NOTCH4: variants seen among roughly 807,000 people sequenced by gnomAD.
The protein encoded by NOTCH4 is neurogenic locus notch homolog protein 4.
Under a neutral mutation model 189.0 loss-of-function variants are expected in NOTCH4, and 138 were observed. The observed-to-expected ratio is 0.73, with a 90% CI of 0.64 to 0.84. The LOEUF (loss-of-function observed/expected upper bound fraction) is 0.84, where lower values mean the gene tolerates loss of function less well. Ranked by LOEUF, NOTCH4 falls within the 40% of genes least tolerant of loss-of-function variation. The pLI, the probability that NOTCH4 is intolerant of heterozygous loss-of-function variation, is 0.00. For missense variants in NOTCH4, 2,286 were observed against 2,605.4 expected (o/e 0.88, Z 2.67); for synonymous variants, 942 against 1,032.8 (o/e 0.91, Z 1.69).
In NOTCH4 at chr6:32,200,738, GCTGT is replaced by G. The variant is rs1788284059; in HGVS notation, c.4315+89_4315+92del. ...CCCACAAAGAACATTTTCAGTCTCAGCTGTCCTGTTTGATTCAGCCTCCATTGCC... is the reference window on the plus strand; with the variant it reads ...CCCACAAAGAACATTTTCAGTCTCAGCCTGTTTGATTCAGCCTCCATTGCC... On this transcript the variant is annotated intron_variant, in intron 23 of 29. Transcript: ENST00000375023. This position sits in a 1 kb window ranked among gnomAD's most constrained non-coding sequence, Gnocchi z 5.0. 1 of 1,076,816 alleles carries G rather than the reference GCTGT, an allele frequency of 9.3e-7. No individual in the cohort carries two copies. 66.7% of individuals were successfully genotyped at this position (1,076,816 alleles called of 1,614,324 possible).
At chr6:32,222,436 G>A in intron 3 of NOTCH4, 75 bp downstream of exon 3, 1 of 1,333,868 alleles carries the variant, frequency 7.5e-7, no homozygotes, top group East Asian at 2.8e-5. Flanking sequence ...TCAGGCTCCA[G>A]TTCTATCTTC....
In NOTCH4 at chr6:32,200,756, G is replaced by C; in HGVS notation, c.4315+75C>G. The stretch of plus-strand genomic sequence containing the variant: ...AGTCTCAGCTGTCCTGTTTGATTCA[G>C]CCTCCATTGCCTGTTGCTAGCATGA... On this transcript the variant is annotated intron_variant, in intron 23 of 29. Coordinates refer to ENST00000375023, the MANE Select transcript of NOTCH4 (RefSeq NM_004557.4). This position sits in a 1 kb window ranked among gnomAD's most constrained non-coding sequence, Gnocchi z 5.0. The C allele has an allele frequency of 8.0e-7, 1 of 1,250,590 alleles. No homozygotes were observed. The highest frequency in any genetic ancestry group is 1.1e-6 in the Non-Finnish European group (1 of 911,956). The allele number at this position is 1,250,590 out of a possible 1,614,324, so 77.5% of individuals were successfully genotyped here.
rs58773260 is a variant in NOTCH4 at position 32,207,628 on chromosome 6, TCCC to T, written c.2865+3121_2865+3123del. Among the ~76,000 whole-genome samples the T allele has an allele frequency of 1.3e-4, 18 of 142,506 alleles. No individual in the cohort carries two copies. In the South Asian group the frequency reaches 1.8e-3, roughly 14 times the overall value. The allele number at this position is 142,506 out of a possible 152,430, so 93.5% of individuals were successfully genotyped here. The stretch of plus-strand genomic sequence containing the variant: ...AACAGGGCAACAGAGCAAGACTCTA[TCCC>T]CCCCCCCCAAAAAAAAAGAAAAAAA... On this transcript the variant is annotated intron_variant, in intron 18 of 29. Transcript: ENST00000375023.
chr6:32,198,354 G>T lies in NOTCH4; in HGVS notation c.4756+67C>A. On this transcript the variant is annotated intron_variant, in intron 26 of 29. Coordinates refer to ENST00000375023, the MANE Select transcript of NOTCH4 (RefSeq NM_004557.4). This position sits in a 1 kb window ranked among gnomAD's most constrained non-coding sequence, Gnocchi z 5.5. ...ATTTCCTCTAGTTCTGATATTAAAG[G>T]ACTCTCTGATTCTAATAGGGTCAAA... 6.8e-7 allele frequency: 1 copy of T among 1,480,258 alleles called. No individual in the cohort carries two copies. Among genetic ancestry groups the T allele is most frequent in the South Asian group, 1.3e-5 (1 of 79,104 alleles). 91.7% of individuals were successfully genotyped at this position (1,480,258 alleles called of 1,614,324 possible).
intron 8 of NOTCH4, among the ~76,000 whole-genome samples, chr6:32,218,720 G>A (rs994980656): frequency 2.6e-5 from 4 of 152,078 alleles, no homozygotes; most frequent in Admixed American, 6.5e-5. Flanking sequence ...TTGGGTTACC[G>A]AACCGTTTTC....
intron 18 of NOTCH4, among the ~76,000 whole-genome samples, chr6:32,204,747 G>A (rs945106740): frequency 2.0e-5 from 3 of 152,120 alleles, no homozygotes; most frequent in African/African-American, 4.8e-5. Context: ...GTCAGGCACC[G>A]TTTTAGGCAC....
Position 32,212,789 on chromosome 6 carries a change from C to A in NOTCH4, c.2526+35G>T. 1 of 1,485,960 alleles carries A rather than the reference C, an allele frequency of 6.7e-7. No individual in the cohort carries two copies. The highest frequency in any genetic ancestry group is 1.4e-5 in the African/African-American group (1 of 71,346). The allele number at this position is 1,485,960 out of a possible 1,614,324, so 92.0% of individuals were successfully genotyped here. On this transcript the variant is annotated intron_variant, in intron 16 of 29. Coordinates refer to ENST00000375023, the MANE Select transcript of NOTCH4 (RefSeq NM_004557.4). The surrounding 1 kb of genome is among the most constrained non-coding windows in gnomAD (Gnocchi z 4.4). ...TCCCTGGTTTCCCTCCCAGCCACTT[C>A]CCTCCTCAGCACGCCTGACTTCAAT...
chr6:32,201,356 C>T lies in NOTCH4; in HGVS notation c.3900G>A (p.Leu1300=), dbSNP rs1161391943. The change falls in exon 22 of 30, where the codon CTG becomes CTA. Residue 1300 remains leucine, a synonymous_variant. Coordinates refer to ENST00000375023, the MANE Select transcript of NOTCH4 (RefSeq NM_004557.4). The surrounding 1 kb of genome is among the most constrained non-coding windows in gnomAD (Gnocchi z 5.5). Reference sequence around the variant, plus strand: ...CTAGGGCTGGGGGGCTCAGTACCACCAGCAGGGCCAGGGAGGGCCCCCACT... The same window carrying T: ...CTAGGGCTGGGGGGCTCAGTACCACTAGCAGGGCCAGGGAGGGCCCCCACT... ...DPEWGPSLAL[L]VVLSPPALDQ... is the part of the protein sequence containing the mutation. The T allele has an allele frequency of 6.2e-7, 1 of 1,605,834 alleles. No homozygotes were observed. Among genetic ancestry groups the T allele is most frequent in the East Asian group, 2.2e-5 (1 of 44,816 alleles).
chr6:32,202,211 A>C lies in NOTCH4; in HGVS notation c.3620T>G (p.Val1207Gly). Residue 1207 changes from valine to glycine, a missense_variant, in exon 21 of 30, where the codon GTC (valine) becomes GGC (glycine). By Grantham distance (109) the Val-to-Gly change is moderately radical. Transcript: ENST00000375023. This position sits in a 1 kb window ranked among gnomAD's most constrained non-coding sequence, Gnocchi z 5.7. Reference sequence around the variant, plus strand: ...GGGGCAGCCCTTCCAGGGGTCTGGGACTCCCAGAGAGCAGTCCCCTCCATC... The same window carrying C: ...GGGGCAGCCCTTCCAGGGGTCTGGGCCTCCCAGAGAGCAGTCCCCTCCATC... ...NWDGGDCSLG[V>G]PDPWKGCPSH... 3.3e-6 allele frequency: 5 copies of C among 1,533,288 alleles called. No homozygotes were observed. The highest frequency in any genetic ancestry group is 4.4e-6 in the Non-Finnish European group (5 of 1,138,094). 95.0% of individuals were successfully genotyped at this position (1,533,288 alleles called of 1,614,324 possible).
Position 32,212,360 on chromosome 6 carries a change from G to T in NOTCH4, c.2680+114C>A. On this transcript the variant is annotated intron_variant, in intron 17 of 29. Coordinates refer to ENST00000375023, the MANE Select transcript of NOTCH4 (RefSeq NM_004557.4). This position sits in a 1 kb window ranked among gnomAD's most constrained non-coding sequence, Gnocchi z 4.4. ...AGAACTGATTTGTCTGTGTGGTTTT[G>T]ATTCTCAGATGGTTGTTTTGGCCAA... 2 of 968,466 alleles carry T rather than the reference G, an allele frequency of 2.1e-6. No homozygotes were observed. The highest frequency in any genetic ancestry group is 1.6e-5 in the African/African-American group (1 of 61,176). The allele number at this position is 968,466 out of a possible 1,614,324, so 60.0% of individuals were successfully genotyped here.
intron 11 of NOTCH4, chr6:32,215,819 TTCC>T: frequency 6.7e-6 from 1 of 148,640 alleles, no homozygotes; most frequent in East Asian, 2.3e-4. Flanking sequence ...CTTCCTTTCC[TTCC>T]CTTCTCTCCT....
In NOTCH4 at chr6:32,195,129, A is replaced by G; in HGVS notation, c.*308T>C. 1 of 412,964 alleles carries G rather than the reference A, an allele frequency of 2.4e-6. No individual in the cohort carries two copies. Among genetic ancestry groups the G allele is most frequent in the Non-Finnish European group, 4.3e-6 (1 of 231,212 alleles). The allele number at this position is 412,964 out of a possible 1,614,324, so 25.6% of individuals were successfully genotyped here. A position where few individuals can be genotyped will look rare whatever the true frequency, so the allele number is the denominator to read the frequency against. Reference sequence around the variant, plus strand: ...CCATATATAGGAAAGAACATCTTACATCCCATATGCCTGCAATTCTTGGTT... The same window carrying G: ...CCATATATAGGAAAGAACATCTTACGTCCCATATGCCTGCAATTCTTGGTT... On this transcript the variant is annotated 3_prime_UTR_variant, in exon 30 of 30. Transcript: ENST00000375023. The surrounding 1 kb of genome is among the most constrained non-coding windows in gnomAD (Gnocchi z 5.4).
In NOTCH4 at chr6:32,212,590, C is replaced by A. The variant is rs1382129029; in HGVS notation, c.2564G>T (p.Arg855Leu). 1 of 1,612,760 alleles carries A rather than the reference C, an allele frequency of 6.2e-7. No homozygotes were observed. ...MDLCAQKPCP[R>L]NSHCLQTGPS... is the part of the protein sequence containing the mutation. Reference sequence around the variant, plus strand: ...CCCAGTCTGGAGGCAGTGGGAATTGCGTGGGCAGGGCTTCTGGGCACATAA... The same window carrying A: ...CCCAGTCTGGAGGCAGTGGGAATTGAGTGGGCAGGGCTTCTGGGCACATAA... The change falls in exon 17 of 30, where the codon CGC becomes CTC. Residue 855 changes from arginine (R) to leucine (L), a missense_variant. Around this residue, in one of 2 missense-constraint regions of NOTCH4, gnomAD observed 1,903 missense variants for 2,261.9 expected, o/e 0.84. Coordinates refer to ENST00000375023, the MANE Select transcript of NOTCH4 (RefSeq NM_004557.4). The surrounding 1 kb of genome is among the most constrained non-coding windows in gnomAD (Gnocchi z 4.4).
In NOTCH4 at chr6:32,195,761, A is replaced by G. The variant is rs751963033; in HGVS notation, c.5688T>C (p.His1896=). Residue 1896 remains histidine, a synonymous_variant, in exon 30 of 30, where the codon CAT becomes CAC. Transcript: ENST00000375023. This position sits in a 1 kb window ranked among gnomAD's most constrained non-coding sequence, Gnocchi z 5.4. The stretch of plus-strand genomic sequence containing the variant: ...CTCCTACTCCCGAGAGGCTCCGGCA[A>G]TGAGAATAGGCCCCGCCCCCCCGCG... ...LAARGGGAYS[H]CRSLSGVGAG... 3 of 1,611,254 alleles carry G rather than the reference A, an allele frequency of 1.9e-6. No individual in the cohort carries two copies. Among genetic ancestry groups the G allele is most frequent in the Non-Finnish European group, 1.7e-6 (2 of 1,179,810 alleles).
rs1788358624 is a variant in NOTCH4 at position 32,201,593 on chromosome 6, G to T, written c.3756-93C>A. On this transcript the variant is annotated intron_variant, in intron 21 of 29. Coordinates refer to ENST00000375023, the MANE Select transcript of NOTCH4 (RefSeq NM_004557.4). This position sits in a 1 kb window ranked among gnomAD's most constrained non-coding sequence, Gnocchi z 5.5. ...AATTCCCCATATTTTGTGCCCTCTA[G>T]GGCTTTGGTTGCTAAGTGGGGGCAG... The T allele has an allele frequency of 7.5e-7, 1 of 1,324,840 alleles. No individual in the cohort carries two copies. Among genetic ancestry groups the T allele is most frequent in the East Asian group, 2.6e-5 (1 of 39,020 alleles). The allele number at this position is 1,324,840 out of a possible 1,614,324, so 82.1% of individuals were successfully genotyped here. A position where few individuals can be genotyped will look rare whatever the true frequency, so the allele number is the denominator to read the frequency against.
intron 3 of NOTCH4, 42 bp downstream of exon 3, chr6:32,222,469 G>C (rs747021444): frequency 6.8e-7 from 1 of 1,478,762 alleles, no homozygotes; most frequent in South Asian, 1.4e-5. Context: ...CTAGCCCATT[G>C]CTCCTGCCTG....
intron 1 of NOTCH4, among the ~76,000 whole-genome samples, 166 bp downstream of exon 1, chr6:32,223,690 C>T (rs1167220411): frequency 1.3e-5 from 2 of 152,082 alleles, no homozygotes; most frequent in Admixed American, 6.5e-5. Context: ...GAAGCAGCTC[C>T]ATGGGCAGAG....
At position 32,222,801 on chromosome 6, in the gene NOTCH4, G is replaced by T; in HGVS notation, c.161C>A (p.Ala54Asp). Reference sequence around the variant, plus strand: ...GCACGTCTCACCCAGGAAGCCAGGGGCACACCTGGGCAGGGGAGGAGAGGA... The same window carrying T: ...GCACGTCTCACCCAGGAAGCCAGGGTCACACCTGGGCAGGGGAGGAGAGGA... ...LSLGQGTCQC[A>D]PGFLGETCQF... Residue 54 changes from alanine (A) to aspartate (D), a missense_variant, in exon 3 of 30, where the codon GCC becomes GAC. Ala to Asp is a moderately radical substitution (Grantham distance 126). Transcript: ENST00000375023. The T allele has an allele frequency of 6.2e-7, 1 of 1,608,570 alleles. No homozygotes were observed. The highest frequency in any genetic ancestry group is 8.5e-7 in the Non-Finnish European group (1 of 1,178,280).
rs1157680674 is a variant in NOTCH4, at chr6:32,195,008, C to G, written c.*429G>C. 1 of 246,202 alleles carries G rather than the reference C, an allele frequency of 4.1e-6. No homozygotes were observed. Among genetic ancestry groups the G allele is most frequent in the African/African-American group, 2.2e-5 (1 of 45,738 alleles). 15.3% of individuals were successfully genotyped at this position (246,202 alleles called of 1,614,324 possible). On this transcript the variant is annotated 3_prime_UTR_variant, in exon 30 of 30. Coordinates refer to ENST00000375023, the MANE Select transcript of NOTCH4 (RefSeq NM_004557.4). The surrounding 1 kb of genome is among the most constrained non-coding windows in gnomAD (Gnocchi z 5.4). ...GTGGCCCTTGGCCACTTTTCAGCAC[C>G]TACACAGTGCCTGGCACATAGTAGG... is the stretch of plus-strand genomic sequence containing the variant.
Sources: allele counts gnomAD v4.1 joint callset (sites outside exome capture counted in the v4.1 genomes callset), GRCh38; gene constraint gnomAD v4.1.1; regional missense constraint gnomAD v4.1.1; non-coding constraint Gnocchi (gnomAD v3.1); transcripts MANE v1.5; gene names NCBI Gene and HGNC (gene_info 2026-07-23, HGNC 2026-07-21).